Variants in OTC observed in about 807,000 individuals in gnomAD.
OTC encodes the protein ornithine transcarbamylase, mitochondrial.
In OTC, 3 loss-of-function variants were observed where a neutral mutation model predicts 30.3. That is an observed-to-expected ratio of 0.10 (90% CI 0.05 to 0.26). The LOEUF (loss-of-function observed/expected upper bound fraction) is 0.26, where lower values mean the gene tolerates loss of function less well. Among genes scored for constraint, OTC ranks in the 10% least tolerant of loss-of-function variants. The pLI, the probability that OTC is intolerant of heterozygous loss-of-function variation, is 1.00. For synonymous variants in OTC, 111 were observed against 99.7 expected (o/e 1.11, Z -0.67); for missense variants, 194 against 260.3 (o/e 0.75, Z 1.75).
upstream of OTC, among the ~76,000 whole-genome samples, chrX:38,350,314 C>T (rs754947076): frequency 1.8e-5 from 2 of 112,130 alleles, no homozygotes; most frequent in South Asian, 3.7e-4. Context: ...AGAACCCACA[C>T]AGCACAGAGG....
intron 1 of OTC, among the ~76,000 whole-genome samples, chrX:38,362,866 G>A (rs1297413486): frequency 8.9e-6 from 1 of 111,852 alleles, no homozygotes; most frequent in African/African-American, 3.2e-5. Context: ...TCCTTTTATG[G>A]AAATTGGGGA....
the OTC span, among the ~76,000 whole-genome samples, chrX:38,333,461 TTA>T: frequency 9.1e-6 from 1 of 110,164 alleles, no homozygotes; most frequent in Non-Finnish European, 1.9e-5. Context: ...AGGTATAATT[TTA>T]TATCTCTCAA....
intron 4 of OTC, among the ~76,000 whole-genome samples, chrX:38,389,323 T>C (rs987463700): frequency 3.6e-5 from 4 of 110,134 alleles, no homozygotes; most frequent in African/African-American, 1.3e-4. Flanking sequence ...TCTCAAATAA[T>C]GAAAGTTATA....
At chrX:38,420,109 G>A (rs1177370200) in intron 9 of OTC, among the ~76,000 whole-genome samples, 1 of 110,963 alleles carries the variant, frequency 9.0e-6, no homozygotes, top group African/African-American at 3.3e-5. Flanking sequence ...ACATCATGCT[G>A]TACTCCATAA....
At chrX:38,336,827 A>G in the OTC span, among the ~76,000 whole-genome samples, 17 of 110,771 alleles carry the variant, frequency 1.5e-4, no homozygotes, top group Non-Finnish European at 3.0e-4. Flanking sequence ...ACAATTAGAG[A>G]TTTGTAGATA....
chrX:38,418,888 G>A (rs5963423), intron 9 of OTC, among the ~76,000 whole-genome samples: 23,546 of 111,007 alleles, frequency 0.21, 1,954 homozygotes, highest in South Asian at 0.26. Flanking sequence ...CCCAGTCTCG[G>A]GTATGTCTTT....
intron 4 of OTC, among the ~76,000 whole-genome samples, chrX:38,400,262 A>G (rs1051919234): frequency 4.5e-5 from 5 of 111,526 alleles, no homozygotes; most frequent in Non-Finnish European, 9.4e-5. Flanking sequence ...TGATAAATCC[A>G]TTAAAAATTA....
intron 1 of OTC, among the ~76,000 whole-genome samples, chrX:38,353,425 A>G (rs989909792): frequency 9.0e-6 from 1 of 110,800 alleles, no homozygotes; most frequent in African/African-American, 3.3e-5. Context: ...AACAGGGGAG[A>G]TGAGTTAGCT....
rs756454679 is a variant in OTC at position 38,397,275 on chromosome X, A to G, written c.387-4000A>G. ...ATTTCATTTCATGATCTTTATTACT[A>G]CAAATGATCACAACTTGAAAAATGG... On this transcript the variant is annotated intron_variant, in intron 4 of 9. Transcript: ENST00000039007. 4.5e-5 allele frequency among the ~76,000 whole-genome samples: 5 copies of G among 111,807 alleles called. No homozygotes were observed. The South Asian group carries it at 1.9e-3, about 42-fold the overall frequency.
chrX:38,340,474 T>G, the OTC span, among the ~76,000 whole-genome samples: 3 of 65,109 alleles, frequency 4.6e-5, no homozygotes, highest in Admixed American at 2.1e-4. Flanking sequence ...TTTTTTTTTG[T>G]TTTTTTTTTT....
At chrX:38,328,334 T>C in the OTC span, among the ~76,000 whole-genome samples, 14,677 of 111,976 alleles carry the variant, frequency 0.13, 923 homozygotes, top group East Asian at 0.29. Context: ...CTCAGGAAGT[T>C]TGCATTAACA....
At chrX:38,328,237 G>T in the OTC span, among the ~76,000 whole-genome samples, 1 of 112,454 alleles carries the variant, frequency 8.9e-6, no homozygotes, top group Non-Finnish European at 1.9e-5. Flanking sequence ...ATTTACGTAC[G>T]TTTGGTAGTT....
the OTC span, among the ~76,000 whole-genome samples, chrX:38,330,429 C>T: frequency 8.9e-6 from 1 of 112,494 alleles, no homozygotes; most frequent in African/African-American, 3.2e-5. Context: ...AGAAAACTAG[C>T]ACACCATAGT....
intron 3 of OTC, among the ~76,000 whole-genome samples, chrX:38,379,958 C>A: frequency 8.9e-6 from 1 of 112,001 alleles, no homozygotes; most frequent in Non-Finnish European, 1.9e-5. Flanking sequence ...TACCAATACC[C>A]TTTACATCAG....
At chrX:38,367,967 C>G (rs1367301132) in intron 2 of OTC, among the ~76,000 whole-genome samples, 1 of 111,519 alleles carries the variant, frequency 9.0e-6, no homozygotes, top group Non-Finnish European at 1.9e-5. Context: ...ATCCGCCCAC[C>G]TTGGCATCCC....
chrX:38,354,944 A>C (rs1446128614), intron 1 of OTC, among the ~76,000 whole-genome samples: 4 of 110,815 alleles, frequency 3.6e-5, no homozygotes, highest in Non-Finnish European at 7.6e-5. Context: ...CCTGTTCTAT[A>C]TTTTTGCTTT....
At chrX:38,332,038 C>A in the OTC span, among the ~76,000 whole-genome samples, 1 of 110,727 alleles carries the variant, frequency 9.0e-6, no homozygotes, top group South Asian at 3.9e-4. Context: ...CCAAGCTCCA[C>A]CCCCTGTCAG....
chrX:38,349,375 G>A (rs1208670404), upstream of OTC, among the ~76,000 whole-genome samples: 1 of 112,633 alleles, frequency 8.9e-6, no homozygotes, highest in Non-Finnish European at 1.9e-5. Flanking sequence ...AATTTAAGTG[G>A]CATTGTGATG....
At chrX:38,402,811 A>T (rs750526195) in intron 5 of OTC, among the ~76,000 whole-genome samples, 21 of 110,475 alleles carry the variant, frequency 1.9e-4, no homozygotes, top group Admixed American at 9.7e-4. Context: ...TATTATTATT[A>T]TTTTTGTTAT....
Sources: gnomAD v4.1 joint callset for allele counts (sites outside exome capture counted in the v4.1 genomes callset) on GRCh38, gnomAD v4.1.1 for gene constraint, MANE v1.5 for transcripts, NCBI Gene and HGNC (gene_info 2026-07-23, HGNC 2026-07-21) for gene names.